ADAMTS10: variants seen among roughly 807,000 people sequenced by gnomAD.
ADAMTS10 encodes the protein A disintegrin and metalloproteinase with thrombospondin motifs 10.
ADAMTS10 carries 48 observed loss-of-function variants against 135.9 expected under a neutral mutation model. The ratio of observed to expected loss-of-function variants is 0.35; its 90% CI spans 0.28 to 0.45. ADAMTS10 has a LOEUF of 0.45. Ranked by LOEUF, ADAMTS10 falls within the 20% of genes least tolerant of loss-of-function variation. The pLI, the probability that ADAMTS10 is intolerant of heterozygous loss-of-function variation, is 1.00. For synonymous variants in ADAMTS10, 621 were observed against 647.5 expected, an observed-to-expected ratio of 0.96 and a Z score of 0.62; for missense variants, 1,131 against 1,565.2, an observed-to-expected ratio of 0.72 and a Z score of 4.68.
At chr19:8,593,062 A>G in intron 12 of ADAMTS10, 192 bp from the exon 13 acceptor site, 1 of 632,514 alleles carries the variant, frequency 1.6e-6, no homozygotes, top group South Asian at 1.8e-5. Flanking sequence ...ATACTCTCCC[A>G]ATAAGCTCCA....
At chr19:8,590,094 C>T in intron 15 of ADAMTS10, 103 bp from the exon 16 acceptor site, 2 of 782,088 alleles carry the variant, frequency 2.6e-6, no homozygotes, top group Admixed American at 2.0e-5. Context: ...AGGCTAGAGG[C>T]AGGGAGGCCA....
At chr19:8,592,727 G>A (rs2042555941) in intron 13 of ADAMTS10, 36 bp downstream of exon 13, 4 of 1,584,998 alleles carry the variant, frequency 2.5e-6, no homozygotes, top group Non-Finnish European at 3.4e-6. Context: ...TGGCTCAGGG[G>A]GCGTGGCCCA....
rs1046160643 is a variant in ADAMTS10, at chr19:8,592,880, G to A, written c.1480-10C>T. The A allele has an allele frequency of 6.2e-6, 10 of 1,607,794 alleles. No homozygotes were observed. The Admixed American group carries it at 1.2e-4, about 19-fold the overall frequency. On this transcript the variant is annotated splice_polypyrimidine_tract_variant and intron_variant, in intron 12 of 25. Transcript: ENST00000597188. ...GCTCGCTGCAGACCTCCTGCGGGCC[G>A]AGGTGCCCGCTCAGGCTCGCCCCCC... is the stretch of plus-strand genomic sequence containing the variant.
chr19:8,605,491 C>T lies in ADAMTS10; in HGVS notation c.88+132G>A. On this transcript the variant is annotated intron_variant, in intron 3 of 25. Transcript: ENST00000597188. The surrounding 1 kb of genome is among the most constrained non-coding windows in gnomAD (Gnocchi z 7.7). Reference sequence around the variant, plus strand: ...AATCCAGGGAGTTGGCTGCAAGGCTCCCGCCTATTGACCCCAGGGCCTTCC... The same window carrying T: ...AATCCAGGGAGTTGGCTGCAAGGCTTCCGCCTATTGACCCCAGGGCCTTCC... The T allele has an allele frequency of 6.8e-7, 1 of 1,470,804 alleles. No individual in the cohort carries two copies. Among genetic ancestry groups the T allele is most frequent in the Non-Finnish European group, 9.2e-7 (1 of 1,083,662 alleles). The allele number at this position is 1,470,804 out of a possible 1,614,324, so 91.1% of individuals were successfully genotyped here. A position where few individuals can be genotyped will look rare whatever the true frequency, so the allele number is the denominator to read the frequency against.
Position 8,597,112 on chromosome 19 carries a change from G to A in ADAMTS10, c.915C>T (p.His305=), listed in dbSNP as rs1568402340. Residue 305 remains histidine (H), a synonymous_variant, in exon 8 of 26, where the codon CAC becomes CAT. Transcript: ENST00000597188. ...AGCTGTCCAGGGACTTCCCGGCATG[G>A]TGGGTGATCTCCAGAGTGGGCTGGG... ...TEDQPTLEIT[H]HAGKSLDSFC... 5 of 1,614,190 alleles carry A rather than the reference G, an allele frequency of 3.1e-6. No individual in the cohort carries two copies. Among genetic ancestry groups the A allele is most frequent in the Middle Eastern group, 1.6e-4 (1 of 6,062 alleles).
chr19:8,595,585 C>A, intron 12 of ADAMTS10, 177 bp downstream of exon 12: 1 of 955,978 alleles, frequency 1.0e-6, no homozygotes, highest in Admixed American at 2.1e-5. Context: ...TTGCTTAGGA[C>A]ATTTTGCACA....
At chr19:8,603,326 G>T (rs561920728) in intron 5 of ADAMTS10, among the ~76,000 whole-genome samples, 3 of 152,150 alleles carry the variant, frequency 2.0e-5, no homozygotes, top group Admixed American at 6.5e-5. Context: ...CCAGGCTGGG[G>T]TGCAATGGCG....
Position 8,589,483 on chromosome 19 carries a change from G to A in ADAMTS10, c.2003C>T (p.Thr668Met), listed in dbSNP as rs782568976. ...VVDGTPCRPD[T>M]VDICVSGECK... ...TTCGCCACTGACGCAAATGTCCACCGTGTCTGGACGGCAGGGTGTCCCGTC... is the reference window on the plus strand; with the variant it reads ...TTCGCCACTGACGCAAATGTCCACCATGTCTGGACGGCAGGGTGTCCCGTC... Residue 668 changes from threonine (T) to methionine (M), a missense_variant, in exon 17 of 26, where the codon ACG (threonine) becomes ATG (methionine). By Grantham distance (81) the Thr-to-Met change is moderately conservative (BLOSUM62 -1). Coordinates refer to ENST00000597188, the MANE Select transcript of ADAMTS10 (RefSeq NM_030957.4). 1.6e-5 allele frequency: 23 copies of A among 1,438,264 alleles called. No individual in the cohort carries two copies. Among genetic ancestry groups the A allele is most frequent in the African/African-American group, 6.0e-5 (4 of 66,838 alleles). The allele number at this position is 1,438,264 out of a possible 1,614,324, so 89.1% of individuals were successfully genotyped here.
intron 1 of ADAMTS10, among the ~76,000 whole-genome samples, chr19:8,609,387 G>A (rs2042756383): frequency 6.6e-6 from 1 of 151,876 alleles, no homozygotes; most frequent in Admixed American, 6.6e-5. Flanking sequence ...AGAAACAGAG[G>A]CTCTGTCCCA....
At position 8,605,320 on chromosome 19, in the gene ADAMTS10, A is replaced by T; in HGVS notation, c.127T>A (p.Phe43Ile). 1 of 1,609,432 alleles carries T rather than the reference A, an allele frequency of 6.2e-7. No individual in the cohort carries two copies. The highest frequency in any genetic ancestry group is 1.3e-5 in the African/African-American group (1 of 74,990). ...CCGTTGTGGTCCACGCGGGTGGGGA[A>T]GGCGATCTCATAGCTCTCCAGACTG... The part of the protein sequence containing the change: ...LSSLESYEIA[F>I]PTRVDHNGAL... Residue 43 changes from phenylalanine (F) to isoleucine (I), a missense_variant, in exon 4 of 26, where the codon TTC becomes ATC. Phe to Ile is a conservative substitution (Grantham distance 21, BLOSUM62 0). Coordinates refer to ENST00000597188, the MANE Select transcript of ADAMTS10 (RefSeq NM_030957.4). This position sits in a 1 kb window ranked among gnomAD's most constrained non-coding sequence, Gnocchi z 7.7.
intron 18 of ADAMTS10, among the ~76,000 whole-genome samples, chr19:8,587,504 T>G (rs1717414093): frequency 1.3e-5 from 2 of 148,886 alleles, no homozygotes; most frequent in South Asian, 4.3e-4. Flanking sequence ...TCTCACTCTG[T>G]CACCCAGGTT....
At chr19:8,603,142 GT>G (rs2042684202) in intron 5 of ADAMTS10, among the ~76,000 whole-genome samples, 1 of 152,158 alleles carries the variant, frequency 6.6e-6, no homozygotes, top group Non-Finnish European at 1.5e-5. Flanking sequence ...AGAAGGAATG[GT>G]TTTATACCTG....
intron 15 of ADAMTS10, among the ~76,000 whole-genome samples, chr19:8,591,558 C>G (rs1383237834): frequency 6.6e-6 from 1 of 151,742 alleles, no homozygotes; most frequent in Non-Finnish European, 1.5e-5. Context: ...TCTCCTGCCT[C>G]AGCCTCCCGA....
chr19:8,588,505 G>A, intron 18 of ADAMTS10, among the ~76,000 whole-genome samples: 1 of 152,080 alleles, frequency 6.6e-6, no homozygotes, highest in East Asian at 1.9e-4. Context: ...CCCTCCCTCT[G>A]ACAGTGCCTA....
chr19:8,587,726 T>C (rs1403944257), intron 18 of ADAMTS10, among the ~76,000 whole-genome samples: 1 of 151,368 alleles, frequency 6.6e-6, no homozygotes, highest in African/African-American at 2.4e-5. Context: ...GGTCAGGAGA[T>C]TGAGACCAAC....
At position 8,592,110 on chromosome 19, in the gene ADAMTS10, G is replaced by T. The variant is rs11882422; in HGVS notation, c.1588-7C>A. The stretch of plus-strand genomic sequence containing the variant: ...AGACCCGTTTGTAGCACCACTGGGT[G>T]GGGGGAGACAGGAAGGAGTGAGTCC... On this transcript the variant is annotated splice_region_variant and splice_polypyrimidine_tract_variant and intron_variant, in intron 13 of 25. Transcript: ENST00000597188. 15 of 1,613,344 alleles carry T rather than the reference G, an allele frequency of 9.3e-6. No homozygotes were observed. Among genetic ancestry groups the T allele is most frequent in the South Asian group, 3.3e-5 (3 of 90,950 alleles).
In ADAMTS10 at chr19:8,585,306, G is replaced by A; in HGVS notation, c.2868C>T (p.Cys956=). Residue 956 remains cysteine, a splice_region_variant and synonymous_variant, in exon 24 of 26, where the codon TGC becomes TGT. Coordinates refer to ENST00000597188, the MANE Select transcript of ADAMTS10 (RefSeq NM_030957.4). ...GGAGGCCCGGCCCGCAGCTGGGGGT[G>A]CACTGCAGTTGGAAGGGGCGTTTCG... ...PEWAALDWSE[C]TPSCGPGLRH... is the part of the protein sequence containing the mutation. The A allele has an allele frequency of 6.5e-7, 1 of 1,530,470 alleles. No individual in the cohort carries two copies. Among genetic ancestry groups the A allele is most frequent in the Non-Finnish European group, 8.8e-7 (1 of 1,140,958 alleles). The allele number at this position is 1,530,470 out of a possible 1,614,324, so 94.8% of individuals were successfully genotyped here.
In ADAMTS10 at chr19:8,595,891, C is replaced by A. The variant is rs75734496; in HGVS notation, c.1350G>T (p.Gly450=). 2.2e-3 allele frequency: 3,540 copies of A among 1,614,154 alleles called. 73 individuals carry two copies. In the African/African-American group the frequency reaches 0.039, roughly 18 times the overall value. ...YITSFLDSGL[G]LCLNNRPPRQ... ...TGGGGGGCCGGTTGTTCAGGCAGAGCCCCAGGCCCGAGCTGCCTCGAGAGA... is the reference window on the plus strand; with the variant it reads ...TGGGGGGCCGGTTGTTCAGGCAGAGACCCAGGCCCGAGCTGCCTCGAGAGA... Residue 450 remains glycine, a synonymous_variant, in exon 12 of 26, where the codon GGG becomes GGT. Coordinates refer to ENST00000597188, the MANE Select transcript of ADAMTS10 (RefSeq NM_030957.4).
rs369050914 is a variant in ADAMTS10, at chr19:8,581,130, C to CT, written c.3203-129dup. 1,276 of 146,968 alleles carry CT rather than the reference C, an allele frequency of 8.7e-3. 97 individuals are homozygous for CT. Among genetic ancestry groups the CT allele is most frequent in the African/African-American group, 0.037 (671 of 18,268 alleles). The allele number at this position is 146,968 out of a possible 1,614,324, so 9.1% of individuals were successfully genotyped here. On this transcript the variant is annotated intron_variant, in intron 25 of 25. Coordinates refer to ENST00000597188, the MANE Select transcript of ADAMTS10 (RefSeq NM_030957.4). ...CTTGGTTTCTTTCTTTTTAAATTTA[C>CT]TTTTTTTTTTTTTTTTTTTTTTTTT... is the stretch of plus-strand genomic sequence containing the variant.
Sources: gnomAD v4.1 joint callset for allele counts (sites outside exome capture counted in the v4.1 genomes callset) on GRCh38, gnomAD v4.1.1 for gene constraint, Gnocchi (gnomAD v3.1) non-coding constraint, MANE v1.5 for transcripts, NCBI Gene and HGNC (gene_info 2026-07-23, HGNC 2026-07-21) for gene names.